Variants in STAG1 observed in about 807,000 individuals in gnomAD.
STAG1 encodes cohesin subunit SA-1.
Under a neutral mutation model 170.9 loss-of-function variants are expected in STAG1, and 26 were observed. The observed-to-expected ratio is 0.15, with a 90% CI of 0.11 to 0.21. The LOEUF (loss-of-function observed/expected upper bound fraction) is 0.21, where lower values mean the gene tolerates loss of function less well. STAG1 is among the 10% of genes least tolerant of loss of function. STAG1 has a pLI of 1.00. For synonymous variants in STAG1, 514 were observed against 497.7 expected (o/e 1.03, Z -0.44); for missense variants, 964 against 1,509.5 (o/e 0.64, Z 5.99).
At chr3:136,717,194 CCTT>C (rs1943565455) in intron 1 of STAG1, among the ~76,000 whole-genome samples, 1 of 152,202 alleles carries the variant, frequency 6.6e-6, no homozygotes, top group Non-Finnish European at 1.5e-5. Context: ...ACACACTTAA[CCTT>C]CTCATTATCT....
At chr3:136,630,025 T>C (rs1940268282) in intron 2 of STAG1, among the ~76,000 whole-genome samples, 1 of 151,804 alleles carries the variant, frequency 6.6e-6, no homozygotes, top group African/African-American at 2.4e-5. Context: ...GTGAAACCCG[T>C]CTCTACTAAA....
At chr3:136,685,852 ATATAAAACCAGAAGTGCAAC>A (rs1389357991) in intron 1 of STAG1, among the ~76,000 whole-genome samples, 5 of 152,242 alleles carry the variant, frequency 3.3e-5, no homozygotes, top group Admixed American at 6.5e-5. Flanking sequence ...AGCTGGGAAT[ATATAAAACCAGAAGTGCAAC>A]TTGGAACAAA....
At chr3:136,458,872 A>T (rs1041844099) in intron 13 of STAG1, among the ~76,000 whole-genome samples, 1 of 152,226 alleles carries the variant, frequency 6.6e-6, no homozygotes, top group Non-Finnish European at 1.5e-5. Context: ...ATGTAACAGA[A>T]GTGGATATAT....
intron 2 of STAG1, among the ~76,000 whole-genome samples, chr3:136,627,928 T>C (rs775349604): frequency 2.0e-5 from 3 of 152,174 alleles, no homozygotes; most frequent in Non-Finnish European, 4.4e-5. Context: ...TTGTTTCTAG[T>C]GTTGGCCTTT....
intron 5 of STAG1, among the ~76,000 whole-genome samples, chr3:136,543,370 C>G (rs140925564): frequency 6.6e-6 from 1 of 152,100 alleles, no homozygotes; most frequent in Non-Finnish European, 1.5e-5. Flanking sequence ...CAGTAGAAGG[C>G]AAGAATAAGA....
chr3:136,538,708 C>T (rs67303976), intron 6 of STAG1, among the ~76,000 whole-genome samples: 11,997 of 152,146 alleles, frequency 0.079, 489 homozygotes, highest in Non-Finnish European at 0.094. Context: ...GCGTAAGCCA[C>T]CATGCCTGAC....
intron 1 of STAG1, among the ~76,000 whole-genome samples, chr3:136,638,179 T>C (rs1315378042): frequency 6.6e-6 from 1 of 151,176 alleles, no homozygotes; most frequent in African/African-American, 2.4e-5. Flanking sequence ...CAAGCTGGAG[T>C]GCAATGGCGC....
At chr3:136,537,125 A>G (rs529130332) in intron 6 of STAG1, among the ~76,000 whole-genome samples, 1 of 151,998 alleles carries the variant, frequency 6.6e-6, no homozygotes, top group African/African-American at 2.4e-5. Context: ...TTCTAATTCT[A>G]TTTTCTTTAA....
chr3:136,364,449 G>C (rs1193419506), intron 25 of STAG1, among the ~76,000 whole-genome samples: 2 of 151,894 alleles, frequency 1.3e-5, no homozygotes, highest in Non-Finnish European at 2.9e-5. Flanking sequence ...TAGAATTTTG[G>C]TAGAAGCCTC....
intron 7 of STAG1, among the ~76,000 whole-genome samples, chr3:136,514,829 G>A (rs566532276): frequency 1.5e-4 from 23 of 152,074 alleles, no homozygotes; most frequent in South Asian, 4.2e-4. Flanking sequence ...ACCAAACACC[G>A]CATGTTCTCA....
chr3:136,391,953 A>G (rs1435834354), intron 22 of STAG1, among the ~76,000 whole-genome samples: 6 of 152,238 alleles, frequency 3.9e-5, no homozygotes, highest in Non-Finnish European at 4.4e-5. Flanking sequence ...TTCTTGATAT[A>G]GTCTTCTCAT....
intron 5 of STAG1, among the ~76,000 whole-genome samples, chr3:136,564,937 T>C (rs1434455358): frequency 6.9e-6 from 1 of 144,902 alleles, no homozygotes; most frequent in Non-Finnish European, 1.5e-5. Context: ...AATTTGGCAA[T>C]GGATCCTTAA....
At chr3:136,464,693 A>T (rs2089401742) in intron 13 of STAG1, among the ~76,000 whole-genome samples, 188 bp downstream of exon 13, 1 of 152,190 alleles carries the variant, frequency 6.6e-6, no homozygotes, top group Non-Finnish European at 1.5e-5. Flanking sequence ...GTATGTCACA[A>T]GGTACAGCAT....
In STAG1 at chr3:136,359,145, C is replaced by T. The variant is rs759134814; in HGVS notation, c.2936+3G>A. On this transcript the variant is annotated splice_donor_region_variant and intron_variant, in intron 27 of 33. Transcript: ENST00000383202. ...TGCATAACAAAGTGTTTATCTCACTCACTTGTGAAGTGTGGCAACTGCTTC... is the reference window on the plus strand; with the variant it reads ...TGCATAACAAAGTGTTTATCTCACTTACTTGTGAAGTGTGGCAACTGCTTC... The T allele has an allele frequency of 4.6e-5, 73 of 1,601,038 alleles. 1 individual carries two copies. The South Asian group carries it at 7.6e-4, about 17-fold the overall frequency.
chr3:136,435,646 T>C (rs973844760), intron 15 of STAG1, among the ~76,000 whole-genome samples: 2 of 152,114 alleles, frequency 1.3e-5, no homozygotes. Flanking sequence ...TTCCTTCACA[T>C]AGATTCTATA....
At chr3:136,513,113 T>C (rs754270102) in intron 7 of STAG1, among the ~76,000 whole-genome samples, 2 of 151,946 alleles carry the variant, frequency 1.3e-5, no homozygotes, top group African/African-American at 2.4e-5. Context: ...CCCAGCCCTT[T>C]GGGAGGCCGA....
At chr3:136,497,045 G>C (rs1933146495) in intron 9 of STAG1, among the ~76,000 whole-genome samples, 1 of 151,444 alleles carries the variant, frequency 6.6e-6, no homozygotes, top group South Asian at 2.1e-4. Context: ...AACTACCAAA[G>C]TTTACTCAGG....
intron 1 of STAG1, among the ~76,000 whole-genome samples, chr3:136,683,163 A>G (rs903517057): frequency 6.6e-6 from 1 of 152,220 alleles, no homozygotes; most frequent in Admixed American, 6.5e-5. Flanking sequence ...CTGCAAAACA[A>G]GAGTTCTAGA....
At chr3:136,616,214 A>G (rs1391661950) in intron 3 of STAG1, among the ~76,000 whole-genome samples, 2 of 151,726 alleles carry the variant, frequency 1.3e-5, no homozygotes, top group East Asian at 3.9e-4. Flanking sequence ...ACTTGCAGTG[A>G]GCCGAGATCG....
Sources: allele counts gnomAD v4.1 joint callset (sites outside exome capture counted in the v4.1 genomes callset), GRCh38; gene constraint gnomAD v4.1.1; transcripts MANE v1.5; gene names NCBI Gene and HGNC (gene_info 2026-07-23, HGNC 2026-07-21).